Variants in ZNF730 observed in about 807,000 individuals in gnomAD.
The protein encoded by ZNF730 is zinc finger protein 730.
A neutral mutation model predicts 12.6 loss-of-function variants in ZNF730; 12 were observed. That is an observed-to-expected ratio of 0.95 (90% CI 0.61 to 1.54). The LOEUF is 1.54. ZNF730 is among the 40% of genes most tolerant of loss of function. The pLI is 0.00. For missense variants in ZNF730, 643 were observed against 583.5 expected, an observed-to-expected ratio of 1.10 and a Z score of -1.05; for synonymous variants, 194 against 195.8, an observed-to-expected ratio of 0.99 and a Z score of 0.08.
At chr19:23,087,618 CTT>C (rs555576971) in intron 1 of ZNF730, among the ~76,000 whole-genome samples, 11 of 135,732 alleles carry the variant, frequency 8.1e-5, no homozygotes, top group Admixed American at 7.5e-5. Flanking sequence ...TCTTTTCTTG[CTT>C]TTTTTTTTTT....
intron 1 of ZNF730, chr19:23,127,143 T>C: frequency 3.9e-6 from 2 of 517,796 alleles, no homozygotes; most frequent in East Asian, 4.9e-5. Flanking sequence ...TATGATATTC[T>C]AAAAGAAATG....
chr19:23,120,637 TATTAA>T (rs959250956), intron 1 of ZNF730, among the ~76,000 whole-genome samples: 1 of 151,292 alleles, frequency 6.6e-6, no homozygotes, highest in African/African-American at 2.4e-5. Context: ...GTTATTATCT[TATTAA>T]ATTTTTCAAA....
intron 1 of ZNF730, chr19:23,127,085 G>A (rs1042907397): frequency 8.3e-5 from 43 of 515,552 alleles, no homozygotes; most frequent in Non-Finnish European, 1.3e-4. Flanking sequence ...CAGCACTTTT[G>A]TGGGATCTTG....
In ZNF730 at chr19:23,145,921, T is replaced by A; in HGVS notation, c.877T>A (p.Phe293Ile). Residue 293 changes from phenylalanine to isoleucine, a missense_variant, in exon 4 of 4, where the codon TTT becomes ATT. Physicochemically the swap from Phe to Ile is conservative, Grantham distance 21. Transcript: ENST00000597761. ...TAAATGTGAAGAATGTGGCAAAGCCTTTAACCAGTCCTCAAACCTTACTGA... is the reference window on the plus strand; with the variant it reads ...TAAATGTGAAGAATGTGGCAAAGCCATTAACCAGTCCTCAAACCTTACTGA... ...PYKCEECGKAFNQSSNLTEHK... is the reference protein window; with the variant it reads ...PYKCEECGKAINQSSNLTEHK... 1.2e-6 allele frequency: 2 copies of A among 1,610,754 alleles called. No homozygotes were observed. The highest frequency in any genetic ancestry group is 1.7e-6 in the Non-Finnish European group (2 of 1,179,394).
chr19:23,121,704 T>C (rs1396439718), intron 1 of ZNF730, among the ~76,000 whole-genome samples: 4 of 152,194 alleles, frequency 2.6e-5, no homozygotes. Flanking sequence ...CTGCTTTTTT[T>C]CATAAACATT....
chr19:23,093,310 CTG>C (rs1471125662), intron 1 of ZNF730, among the ~76,000 whole-genome samples: 1 of 152,154 alleles, frequency 6.6e-6, no homozygotes, highest in Non-Finnish European at 1.5e-5. Context: ...TCAGTAGAAA[CTG>C]TACCAGCTCT....
intron 3 of ZNF730, among the ~76,000 whole-genome samples, chr19:23,136,752 C>G (rs1215918172): frequency 6.8e-6 from 1 of 146,338 alleles, no homozygotes; most frequent in African/African-American, 2.5e-5. Flanking sequence ...TTTTTTCTTT[C>G]AGGATTGCTT....
At chr19:23,082,663 C>T (rs950076860) in intron 1 of ZNF730, among the ~76,000 whole-genome samples, 3 of 151,914 alleles carry the variant, frequency 2.0e-5, no homozygotes, top group East Asian at 2.0e-4. Flanking sequence ...TTTTTAATAG[C>T]TAAGTAGTAT....
intron 1 of ZNF730, among the ~76,000 whole-genome samples, chr19:23,081,229 C>G (rs2145439402): frequency 6.6e-6 from 1 of 151,736 alleles, no homozygotes; most frequent in Non-Finnish European, 1.5e-5. Context: ...GCTGCAAACT[C>G]TGCCTCCTGG....
At chr19:23,115,471 A>C (rs954183571), upstream of ZNF730, among the ~76,000 whole-genome samples, 1 of 152,164 alleles carries the variant, frequency 6.6e-6, no homozygotes, top group African/African-American at 2.4e-5. Flanking sequence ...CAGACCCTAG[A>C]TACGGCTGAC....
At chr19:23,075,922 G>C (rs1285575041) in intron 1 of ZNF730, among the ~76,000 whole-genome samples, 1 of 151,804 alleles carries the variant, frequency 6.6e-6, no homozygotes, top group Admixed American at 6.6e-5. Flanking sequence ...ATTCGAGTTG[G>C]GTTTTAGATT....
chr19:23,090,408 TC>T (rs1233444572), intron 1 of ZNF730, among the ~76,000 whole-genome samples: 1 of 152,128 alleles, frequency 6.6e-6, no homozygotes, highest in African/African-American at 2.4e-5. Context: ...ATTTAAGGTA[TC>T]TGGTGGAAGA....
intron 1 of ZNF730, chr19:23,123,711 A>G (rs977278327): frequency 4.0e-5 from 6 of 151,384 alleles, no homozygotes; most frequent in African/African-American, 1.5e-4. Context: ...TTGGGGGACT[A>G]TCTTCTGGCC....
intron 1 of ZNF730, among the ~76,000 whole-genome samples, chr19:23,082,976 G>T (rs1969990144): frequency 6.6e-6 from 1 of 152,118 alleles, no homozygotes; most frequent in South Asian, 2.1e-4. Flanking sequence ...TGGGATTACA[G>T]GTGTGAGCCA....
At chr19:23,080,134 C>T (rs1969938609) in intron 1 of ZNF730, among the ~76,000 whole-genome samples, 1 of 151,948 alleles carries the variant, frequency 6.6e-6, no homozygotes, top group Non-Finnish European at 1.5e-5. Flanking sequence ...TTAGTAGAGA[C>T]AGAGTTTCAC....
upstream of ZNF730, among the ~76,000 whole-genome samples, chr19:23,114,049 G>C (rs1289717431): frequency 6.6e-6 from 1 of 152,092 alleles, no homozygotes; most frequent in Non-Finnish European, 1.5e-5. Flanking sequence ...GCCAATAAAA[G>C]GATGTCAAAT....
chr19:23,081,047 T>C (rs185432900), intron 1 of ZNF730, among the ~76,000 whole-genome samples: 4 of 152,026 alleles, frequency 2.6e-5, no homozygotes, highest in Admixed American at 6.5e-5. Context: ...TGTTTCGCCA[T>C]GTTGGCCAGA....
chr19:23,133,491 C>G (rs573417314), intron 1 of ZNF730, among the ~76,000 whole-genome samples: 1 of 152,254 alleles, frequency 6.6e-6, no homozygotes, highest in Admixed American at 6.5e-5. Context: ...TACAGGCATG[C>G]GCCACCATGG....
chr19:23,130,078 CA>C (rs1219382122), intron 1 of ZNF730, among the ~76,000 whole-genome samples: 4 of 151,764 alleles, frequency 2.6e-5, no homozygotes, highest in Non-Finnish European at 4.4e-5. Context: ...TTGGAGGGGC[CA>C]GGGGTGGAAT....
Sources: allele counts gnomAD v4.1 joint callset (sites outside exome capture counted in the v4.1 genomes callset), GRCh38; gene constraint gnomAD v4.1.1; transcripts MANE v1.5; gene names NCBI Gene and HGNC (gene_info 2026-07-23, HGNC 2026-07-21).